The following LRRTM4 variants were observed in gnomAD, a reference collection of about 807,000 sequenced individuals.
LRRTM4 encodes the protein leucine-rich repeat transmembrane neuronal protein 4.
In LRRTM4, 25 loss-of-function variants were observed where a neutral mutation model predicts 47.6. The observed-to-expected ratio is 0.53, with a 90% CI of 0.38 to 0.73. The LOEUF (loss-of-function observed/expected upper bound fraction) is 0.73, where lower values mean the gene tolerates loss of function less well. LRRTM4 is among the 30% of genes least tolerant of loss of function. LRRTM4 has a pLI of 0.00. For missense variants in LRRTM4, 638 were observed against 713.4 expected (o/e 0.89, Z 1.20); for synonymous variants, 311 against 269.5 (o/e 1.15, Z -1.51).
At chr2:77,058,211 C>T (rs146393968) in intron 3 of LRRTM4, among the ~76,000 whole-genome samples, 1 of 152,202 alleles carries the variant, frequency 6.6e-6, no homozygotes, top group African/African-American at 2.4e-5. Flanking sequence ...TTTCATAGGT[C>T]ACAAATCAGA....
At chr2:77,107,944 A>G (rs1671143947) in intron 3 of LRRTM4, among the ~76,000 whole-genome samples, 1 of 152,114 alleles carries the variant, frequency 6.6e-6, no homozygotes, top group South Asian at 2.1e-4. Context: ...ACAAGGTAAC[A>G]CTACATACTA....
intron 3 of LRRTM4, among the ~76,000 whole-genome samples, chr2:77,315,156 A>C (rs917116536): frequency 1.3e-5 from 2 of 152,184 alleles, no homozygotes; most frequent in Non-Finnish European, 2.9e-5. Flanking sequence ...GAATAATAAT[A>C]ATATGTTATT....
At chr2:77,295,093 T>C (rs1676933949) in intron 3 of LRRTM4, among the ~76,000 whole-genome samples, 1 of 152,236 alleles carries the variant, frequency 6.6e-6, no homozygotes, top group African/African-American at 2.4e-5. Flanking sequence ...CTAGCATTTC[T>C]AGCCATAGTG....
intron 3 of LRRTM4, among the ~76,000 whole-genome samples, chr2:76,956,246 T>C (rs1017455551): frequency 4.2e-4 from 63 of 151,710 alleles, no homozygotes; most frequent in Non-Finnish European, 6.9e-4. Context: ...ATGGCAAGTG[T>C]CTTCTCTGAC....
intron 3 of LRRTM4, among the ~76,000 whole-genome samples, chr2:77,239,156 A>G (rs1675192018): frequency 6.6e-6 from 1 of 151,926 alleles, no homozygotes. Context: ...TTCCAAATAA[A>G]AATATTAGCA....
At chr2:77,016,750 A>G (rs1678085583) in intron 3 of LRRTM4, among the ~76,000 whole-genome samples, 1 of 152,156 alleles carries the variant, frequency 6.6e-6, no homozygotes, top group Non-Finnish European at 1.5e-5. Flanking sequence ...ACATATTAGA[A>G]TTACACTTTC....
chr2:77,433,537 T>G (rs919468476), intron 3 of LRRTM4, among the ~76,000 whole-genome samples: 2 of 152,158 alleles, frequency 1.3e-5, no homozygotes, highest in African/African-American at 4.8e-5. Context: ...GCCTATAAAG[T>G]TTGCTTATTA....
At chr2:77,295,325 CT>C (rs1206536797) in intron 3 of LRRTM4, among the ~76,000 whole-genome samples, 1 of 152,134 alleles carries the variant, frequency 6.6e-6, no homozygotes, top group African/African-American at 2.4e-5. Context: ...GATCAGGAAA[CT>C]TTCTGCTATT....
rs79397865 is a variant in LRRTM4 at position 77,154,448 on chromosome 2, A to G, written c.1551+363870T>C. Among the ~76,000 whole-genome samples, 62 of 152,302 alleles carry G rather than the reference A, an allele frequency of 4.1e-4. No individual in the cohort carries two copies. The East Asian group carries it at 0.012, about 29-fold the overall frequency. On this transcript the variant is annotated intron_variant, in intron 3 of 3. Coordinates refer to ENST00000409884, the MANE Select transcript of LRRTM4 (RefSeq NM_001134745.3). ...TTTAGCATTTCCACTGACAATTAGC[A>G]AAGAAGAAAAAGGCTAATTATAACT...
At chr2:76,970,048 AC>A (rs1377671329) in intron 3 of LRRTM4, among the ~76,000 whole-genome samples, 1 of 151,960 alleles carries the variant, frequency 6.6e-6, no homozygotes, top group Non-Finnish European at 1.5e-5. Context: ...TGAAATTGAA[AC>A]CCACAGAGTT....
At chr2:77,081,621 A>T (rs182847661) in intron 3 of LRRTM4, among the ~76,000 whole-genome samples, 1 of 152,086 alleles carries the variant, frequency 6.6e-6, no homozygotes, top group Non-Finnish European at 1.5e-5. Context: ...CTTCCCAAAA[A>T]ATGGCAAGTA....
At chr2:76,877,451 A>C (rs1174854936) in intron 3 of LRRTM4, among the ~76,000 whole-genome samples, 1 of 152,068 alleles carries the variant, frequency 6.6e-6, no homozygotes, top group African/African-American at 2.4e-5. Context: ...TCAGCACTTC[A>C]CAATTGCGTG....
chr2:77,030,049 T>G (rs2104134679), intron 3 of LRRTM4, among the ~76,000 whole-genome samples: 1 of 152,332 alleles, frequency 6.6e-6, no homozygotes, highest in South Asian at 2.1e-4. Context: ...TTTTAAAAAT[T>G]TTGTCTCATT....
Position 77,121,350 on chromosome 2 carries a change from G to C in LRRTM4, c.1552-372434C>G, listed in dbSNP as rs557179308. ...ATGAATCTGAACTGCACTTAGACAAGAACATAGCATAATAAATTACCTCTT... is the reference window on the plus strand; with the variant it reads ...ATGAATCTGAACTGCACTTAGACAACAACATAGCATAATAAATTACCTCTT... On this transcript the variant is annotated intron_variant, in intron 3 of 3. Coordinates refer to ENST00000409884, the MANE Select transcript of LRRTM4 (RefSeq NM_001134745.3). Among the ~76,000 whole-genome samples the C allele has an allele frequency of 2.1e-4, 32 of 151,824 alleles. 1 individual carries two copies. The South Asian group carries it at 6.4e-3, about 31-fold the overall frequency.
At chr2:76,991,603 T>TA (rs1677012510) in intron 3 of LRRTM4, among the ~76,000 whole-genome samples, 1 of 151,624 alleles carries the variant, frequency 6.6e-6, no homozygotes, top group African/African-American at 2.4e-5. Flanking sequence ...TTAAAGCCCT[T>TA]AGCAGACTAA....
At chr2:77,375,992 A>C (rs919928542) in intron 3 of LRRTM4, among the ~76,000 whole-genome samples, 1 of 151,864 alleles carries the variant, frequency 6.6e-6, no homozygotes, top group African/African-American at 2.4e-5. Flanking sequence ...TCATACAAAT[A>C]GAATCATGCA....
In LRRTM4 at chr2:76,782,201, G is replaced by C. The variant is rs186378764; in HGVS notation, c.1552-33285C>G. On this transcript the variant is annotated intron_variant, in intron 3 of 3. Coordinates refer to ENST00000409884, the MANE Select transcript of LRRTM4 (RefSeq NM_001134745.3). ...CAACACATGTAAGATTTACGGGCCT[G>C]CTGATGTTGCTGCAGCGATGGCTTC... Among the ~76,000 whole-genome samples, 57 of 152,300 alleles carry C rather than the reference G, an allele frequency of 3.7e-4. 1 individual carries two copies. The highest frequency in any genetic ancestry group is 3.3e-3 in the Admixed American group (50 of 15,298).
Position 76,796,088 on chromosome 2 carries a change from G to T in LRRTM4, c.1552-47172C>A, listed in dbSNP as rs185748001. On this transcript the variant is annotated intron_variant, in intron 3 of 3. Coordinates refer to ENST00000409884, the MANE Select transcript of LRRTM4 (RefSeq NM_001134745.3). Reference sequence around the variant, plus strand: ...CTGGAAAATCGGGTCACTCCCACCCGAATACTGCGCTTTTCAGACAGGCTT... The same window carrying T: ...CTGGAAAATCGGGTCACTCCCACCCTAATACTGCGCTTTTCAGACAGGCTT... Among the ~76,000 whole-genome samples the T allele has an allele frequency of 8.3e-4, 110 of 133,092 alleles. 8 individuals are homozygous for T. The highest frequency in any genetic ancestry group is 4.9e-4 in the East Asian group (2 of 4,120). The allele number at this position is 133,092 out of a possible 152,430, so 87.3% of individuals were successfully genotyped here.
intron 3 of LRRTM4, among the ~76,000 whole-genome samples, chr2:77,269,994 T>A (rs771946049): frequency 6.6e-6 from 1 of 152,192 alleles, no homozygotes; most frequent in East Asian, 1.9e-4. Context: ...GTTTTTTGAT[T>A]GCTGAAAGAC....
Sources: allele counts gnomAD v4.1 joint callset (sites outside exome capture counted in the v4.1 genomes callset), GRCh38; gene constraint gnomAD v4.1.1; transcripts MANE v1.5; gene names NCBI Gene and HGNC (gene_info 2026-07-23, HGNC 2026-07-21).